The following OSBPL8 variants were observed in gnomAD, a reference collection of about 807,000 sequenced individuals.
OSBPL8 encodes the protein oxysterol-binding protein-related protein 8.
Under a neutral mutation model 125.5 loss-of-function variants are expected in OSBPL8, and 59 were observed. The ratio of observed to expected loss-of-function variants is 0.47; its 90% CI spans 0.38 to 0.58. The LOEUF is 0.58. Ranked by LOEUF, OSBPL8 falls within the 20% of genes least tolerant of loss-of-function variation. OSBPL8 has a pLI of 0.00. For missense variants in OSBPL8, 758 were observed against 1,047.8 expected, an observed-to-expected ratio of 0.72 and a Z score of 3.82; for synonymous variants, 330 against 338.9, an observed-to-expected ratio of 0.97 and a Z score of 0.29.
intron 4 of OSBPL8, among the ~76,000 whole-genome samples, chr12:76,436,360 G>A (rs1211263155): frequency 6.6e-6 from 1 of 152,016 alleles, no homozygotes; most frequent in East Asian, 1.9e-4. Flanking sequence ...ATCTAAAAAT[G>A]TAAGAATTTT....
At chr12:76,477,726 A>T (rs1279247835) in intron 2 of OSBPL8, among the ~76,000 whole-genome samples, 5 of 152,320 alleles carry the variant, frequency 3.3e-5, no homozygotes, top group Middle Eastern at 3.4e-3. Flanking sequence ...TGAGTTCATC[A>T]ATTATATCAC....
intron 2 of OSBPL8, among the ~76,000 whole-genome samples, chr12:76,466,884 C>G (rs35138762): frequency 0.2 from 30,842 of 151,282 alleles, 3,376 homozygotes; most frequent in Non-Finnish European, 0.26. Flanking sequence ...CGCTTGAACC[C>G]GGGGGCGGGG....
chr12:76,465,202 C>A (rs147760341), intron 2 of OSBPL8, among the ~76,000 whole-genome samples: 3 of 152,122 alleles, frequency 2.0e-5, no homozygotes, highest in Non-Finnish European at 4.4e-5. Context: ...ATAACCTAAT[C>A]GCACATTTGA....
chr12:76,554,750 G>GA (rs2137532219), intron 1 of OSBPL8, among the ~76,000 whole-genome samples: 1 of 152,150 alleles, frequency 6.6e-6, no homozygotes, highest in East Asian at 1.9e-4. Flanking sequence ...CTTTTTATTT[G>GA]AAAAAAGTCA....
rs372390479 is a variant in OSBPL8 at position 76,545,129 on chromosome 12, G to A, written c.-68+14268C>T. ...CAGTCAGCATTTGTGATACTAGGTC[G>A]CATTGTGACAAGGGTGTCTCAAAGA... On this transcript the variant is annotated intron_variant, in intron 1 of 23. Coordinates refer to ENST00000261183, the MANE Select transcript of OSBPL8 (RefSeq NM_020841.5). Among the ~76,000 whole-genome samples the A allele has an allele frequency of 4.6e-5, 7 of 152,108 alleles. No homozygotes were observed. The East Asian group carries it at 5.8e-4, about 13-fold the overall frequency.
At chr12:76,497,825 T>G (rs1196171298) in intron 1 of OSBPL8, among the ~76,000 whole-genome samples, 1 of 152,216 alleles carries the variant, frequency 6.6e-6, no homozygotes, top group Non-Finnish European at 1.5e-5. Context: ...GACTCTTATA[T>G]AACACTTCTC....
intron 4 of OSBPL8, among the ~76,000 whole-genome samples, chr12:76,413,151 A>G (rs984637613): frequency 6.6e-6 from 1 of 152,218 alleles, no homozygotes; most frequent in Non-Finnish European, 1.5e-5. Context: ...ACATCTTCAG[A>G]AAAATGCCTA....
chr12:76,468,744 A>C (rs921412675), intron 2 of OSBPL8, among the ~76,000 whole-genome samples: 1 of 152,182 alleles, frequency 6.6e-6, no homozygotes, highest in Admixed American at 6.5e-5. Flanking sequence ...ACAAATAAAT[A>C]AATAATTCAA....
At chr12:76,491,899 T>C (rs1878757260) in intron 1 of OSBPL8, among the ~76,000 whole-genome samples, 1 of 152,174 alleles carries the variant, frequency 6.6e-6, no homozygotes, top group South Asian at 2.1e-4. Flanking sequence ...AGCTTTTACT[T>C]TGAAAAATAT....
chr12:76,509,665 AATG>A (rs770936191), intron 1 of OSBPL8, among the ~76,000 whole-genome samples: 1 of 152,206 alleles, frequency 6.6e-6, no homozygotes, highest in Non-Finnish European at 1.5e-5. Flanking sequence ...AAAGCAGAAA[AATG>A]ATGATGATAA....
chr12:76,437,006 G>T (rs1039229930), intron 4 of OSBPL8, among the ~76,000 whole-genome samples: 1 of 151,866 alleles, frequency 6.6e-6, no homozygotes, highest in Admixed American at 6.6e-5. Context: ...TAGCTTTAAG[G>T]CATTCATTTC....
Position 76,386,584 on chromosome 12 carries a change from G to C in OSBPL8, c.1429C>G (p.Pro477Ala). The C allele has an allele frequency of 6.3e-7, 1 of 1,593,108 alleles. No homozygotes were observed. The highest frequency in any genetic ancestry group is 1.2e-5 in the South Asian group (1 of 86,934). ...KWYLSGFYKK[P>A]KGLKKPYNPI... ...ATGTAAACAAACATTATTACCTTTG[G>C]CTTTTTATAGAATCCTGACAAATAC... Residue 477 changes from proline to alanine, a missense_variant, in exon 13 of 24, where the codon CCA becomes GCA. By Grantham distance (27) the Pro-to-Ala change is conservative. Around this residue, in one of 3 missense-constraint regions of OSBPL8, gnomAD observed 572 missense variants for 762.0 expected, o/e 0.75. Coordinates refer to ENST00000261183, the MANE Select transcript of OSBPL8 (RefSeq NM_020841.5).
At chr12:76,404,919 G>A (rs943137774) in intron 5 of OSBPL8, among the ~76,000 whole-genome samples, 2 of 152,082 alleles carry the variant, frequency 1.3e-5, no homozygotes, top group Admixed American at 6.5e-5. Context: ...CTGTATATAC[G>A]AAATATTTAT....
rs535169229 is a variant in OSBPL8 at position 76,429,566 on chromosome 12, C to G, written c.218-18932G>C. Among the ~76,000 whole-genome samples, 285 of 152,172 alleles carry G rather than the reference C, an allele frequency of 1.9e-3. 1 individual carries two copies. The highest frequency in any genetic ancestry group is 6.7e-3 in the African/African-American group (277 of 41,544). On this transcript the variant is annotated intron_variant, in intron 4 of 23. Transcript: ENST00000261183. ...TCTATTTAACTAAAAATGTACTAAA[C>G]TAATAGTACTTATCCATGTAACCAT...
chr12:76,508,873 A>AC (rs1208585620), intron 1 of OSBPL8, among the ~76,000 whole-genome samples: 1 of 152,020 alleles, frequency 6.6e-6, no homozygotes, highest in African/African-American at 2.4e-5. Flanking sequence ...TTAATAATCC[A>AC]CCCCCTATTT....
In OSBPL8 at chr12:76,355,667, T is replaced by G. The variant is rs557284352; in HGVS notation, c.*222A>C. ...GACACATTCTCACAAAAGCTAGAAATGTCCTGGCACTTAACACATAGCTCA... is the reference window on the plus strand; with the variant it reads ...GACACATTCTCACAAAAGCTAGAAAGGTCCTGGCACTTAACACATAGCTCA... On this transcript the variant is annotated 3_prime_UTR_variant, in exon 24 of 24. Coordinates refer to ENST00000261183, the MANE Select transcript of OSBPL8 (RefSeq NM_020841.5). 6.5e-6 allele frequency: 3 copies of G among 463,222 alleles called. No individual in the cohort carries two copies. The highest frequency in any genetic ancestry group is 7.9e-5 in the Admixed American group (2 of 25,328). The allele number at this position is 463,222 out of a possible 1,614,324, so 28.7% of individuals were successfully genotyped here. A position where few individuals can be genotyped will look rare whatever the true frequency, so the allele number is the denominator to read the frequency against.
intron 1 of OSBPL8, among the ~76,000 whole-genome samples, chr12:76,530,220 CTTTTT>C (rs59016280): frequency 5.6e-5 from 6 of 107,224 alleles, no homozygotes; most frequent in Admixed American, 1.0e-4. Context: ...CCGGGCCTGG[CTTTTT>C]TTTTTTTTTT....
At chr12:76,481,229 A>C (rs1024533909) in intron 2 of OSBPL8, among the ~76,000 whole-genome samples, 3 of 152,226 alleles carry the variant, frequency 2.0e-5, no homozygotes, top group African/African-American at 7.2e-5. Flanking sequence ...TTGAGCCTCT[A>C]AATCTGTGGC....
intron 1 of OSBPL8, among the ~76,000 whole-genome samples, chr12:76,512,776 A>G (rs1241872096): frequency 1.3e-5 from 2 of 152,216 alleles, no homozygotes; most frequent in East Asian, 3.8e-4. Context: ...TGCTTTGGGC[A>G]GTATGGCCAT....
Sources: gnomAD v4.1 joint callset for allele counts (sites outside exome capture counted in the v4.1 genomes callset) on GRCh38, gnomAD v4.1.1 for gene constraint, gnomAD v4.1.1 regional missense constraint, MANE v1.5 for transcripts, NCBI Gene and HGNC (gene_info 2026-07-23, HGNC 2026-07-21) for gene names.